Variants in APOBEC3B observed in about 807,000 individuals in gnomAD.
The protein encoded by APOBEC3B is apolipoprotein B mRNA editing enzyme catalytic subunit 3B.
APOBEC3B carries 29 observed loss-of-function variants against 53.4 expected under a neutral mutation model. That is an observed-to-expected ratio of 0.54 (90% CI 0.40 to 0.74). The LOEUF (loss-of-function observed/expected upper bound fraction) is 0.74, where lower values mean the gene tolerates loss of function less well. APOBEC3B is among the 30% of genes least tolerant of loss of function. The probability of loss-of-function intolerance (pLI) is 0.00; values close to 1 mark genes in which losing one functional copy is unlikely to be tolerated. For missense variants in APOBEC3B, 347 were observed against 496.2 expected (o/e 0.70, Z 2.86); for synonymous variants, 132 against 184.8 (o/e 0.71, Z 2.32).
chr22:38,982,604 C>T lies in APOBEC3B; in HGVS notation c.17+134C>T, dbSNP rs983521471. The T allele has an allele frequency of 3.7e-6, 4 of 1,095,598 alleles. 1 individual carries two copies. The highest frequency in any genetic ancestry group is 2.8e-5 in the South Asian group (2 of 72,244). 67.9% of individuals were successfully genotyped at this position (1,095,598 alleles called of 1,614,324 possible). On this transcript the variant is annotated intron_variant, in intron 1 of 7. Transcript: ENST00000333467. ...CCTCCCCTCTGGCTCCCCTGCCACA[C>T]GAATCCCAGTCAGGCTCTTTGTCCT...
Position 38,992,766 on chromosome 22 carries a change from T to C in APOBEC3B, c.*321T>C, listed in dbSNP as rs1430124762. On this transcript the variant is annotated 3_prime_UTR_variant, in exon 8 of 8. Transcript: ENST00000333467. The stretch of plus-strand genomic sequence containing the variant: ...AACATTAAGAATCTTCCATAATTGT[T>C]TCCACAAACACTAGCAAATGTGTAG... 7.5e-6 allele frequency: 5 copies of C among 662,706 alleles called. No individual in the cohort carries two copies. Among genetic ancestry groups the C allele is most frequent in the African/African-American group, 3.6e-5 (2 of 54,946 alleles). 41.1% of individuals were successfully genotyped at this position (662,706 alleles called of 1,614,324 possible).
At chr22:38,992,294 C>T in intron 7 of APOBEC3B, 137 bp from the exon 8 acceptor site, 1 of 1,535,656 alleles carries the variant, frequency 6.5e-7, no homozygotes, top group Non-Finnish European at 8.8e-7. Context: ...CCCTTTCCTT[C>T]TCACAGCCTC....
chr22:38,989,556 G>A lies in APOBEC3B; in HGVS notation c.669G>A (p.Leu223=), dbSNP rs780782838. Residue 223 remains leucine, a synonymous_variant, in exon 5 of 8, where the codon CTG becomes CTA. Transcript: ENST00000333467. ...ACTTGTGCTATGAGGTGGAGCGCCT[G>A]GACAATGGCACCTGGGTCCTGATGG... The part of the protein sequence containing the change: ...QTYLCYEVER[L]DNGTWVLMDQ... 83 of 1,589,210 alleles carry A rather than the reference G, an allele frequency of 5.2e-5. 1 individual carries two copies. Among genetic ancestry groups the A allele is most frequent in the Non-Finnish European group, 6.6e-5 (77 of 1,169,710 alleles).
intron 4 of APOBEC3B, among the ~76,000 whole-genome samples, chr22:38,988,151 C>T (rs555756952): frequency 6.7e-6 from 1 of 148,552 alleles, no homozygotes; most frequent in African/African-American, 2.4e-5. Context: ...GCACTCACCT[C>T]TCACCCTCAA....
At chr22:38,982,610 C>T in intron 1 of APOBEC3B, 140 bp downstream of exon 1, 3 of 1,061,750 alleles carry the variant, frequency 2.8e-6, no homozygotes, top group Non-Finnish European at 4.1e-6. Flanking sequence ...CACACGAATC[C>T]CAGTCAGGCT....
chr22:38,989,591 T>G lies in APOBEC3B; in HGVS notation c.704T>G (p.Met235Arg). 1.3e-6 allele frequency: 2 copies of G among 1,578,598 alleles called. 1 individual carries two copies. The highest frequency in any genetic ancestry group is 1.7e-6 in the Non-Finnish European group (2 of 1,162,746). ...ACCTGGGTCCTGATGGACCAGCACA[T>G]GGGCTTTCTATGCAACGAGGTGACC... Reference protein sequence around the residue: ...NGTWVLMDQHMGFLCNEAKNL... With the variant: ...NGTWVLMDQHRGFLCNEAKNL... The change falls in exon 5 of 8, where the codon ATG (methionine) becomes AGG (arginine). Residue 235 changes from methionine to arginine, a missense_variant. This residue lies in a region of APOBEC3B where 156 missense variants were observed against 166.7 expected (regional missense o/e 0.94). Transcript: ENST00000333467.
At chr22:38,984,655 A>G (rs1308857367) in intron 2 of APOBEC3B, among the ~76,000 whole-genome samples, 1 of 147,972 alleles carries the variant, frequency 6.8e-6, no homozygotes, top group African/African-American at 2.5e-5. Flanking sequence ...CTTGCCCTGG[A>G]GGGGTGTGGG....
chr22:38,985,480 A>T (rs1427978257), intron 2 of APOBEC3B, among the ~76,000 whole-genome samples: 1 of 148,296 alleles, frequency 6.7e-6, no homozygotes, highest in African/African-American at 2.5e-5. Context: ...TTAGTCTGAC[A>T]CACTGCCCTT....
intron 1 of APOBEC3B, among the ~76,000 whole-genome samples, chr22:38,983,214 AG>A (rs1923601972): frequency 6.8e-6 from 1 of 147,928 alleles, no homozygotes; most frequent in African/African-American, 2.5e-5. Flanking sequence ...GATACTCAGG[AG>A]GTTTAGGCAG....
Position 38,992,110 on chromosome 22 carries a change from C to T in APOBEC3B, c.1095C>T (p.His365=). 1.9e-6 allele frequency: 3 copies of T among 1,592,892 alleles called. No homozygotes were observed. Among genetic ancestry groups the T allele is most frequent in the Non-Finnish European group, 2.6e-6 (3 of 1,172,482 alleles). ...AGCCCTGGGATGGACTAGAGGAGCACAGCCAAGCCCTGAGTGGGAGGCTGC... is the reference window on the plus strand; with the variant it reads ...AGCCCTGGGATGGACTAGAGGAGCATAGCCAAGCCCTGAGTGGGAGGCTGC... ...PFQPWDGLEE[H]SQALSGRLRA... Residue 365 remains histidine (H), a synonymous_variant, in exon 7 of 8, where the codon CAC becomes CAT. Coordinates refer to ENST00000333467, the MANE Select transcript of APOBEC3B (RefSeq NM_004900.5).
Position 38,985,792 on chromosome 22 carries a change from G to A in APOBEC3B, c.175-20G>A. 1.3e-6 allele frequency: 2 copies of A among 1,575,774 alleles called. No individual in the cohort carries two copies. The highest frequency in any genetic ancestry group is 1.7e-6 in the Non-Finnish European group (2 of 1,163,000). On this transcript the variant is annotated intron_variant, in intron 2 of 7. Coordinates refer to ENST00000333467, the MANE Select transcript of APOBEC3B (RefSeq NM_004900.5). ...TGCTCCCCCTCTCAGAGCATCCCCT[G>A]CCCCCTGCTCCTCTCCCAGGTGTAT...
At chr22:38,988,747 T>TA (rs1569039203) in intron 4 of APOBEC3B, among the ~76,000 whole-genome samples, 1 of 120,146 alleles carries the variant, frequency 8.3e-6, no homozygotes, top group African/African-American at 3.4e-5. Context: ...CTTTCTTTCT[T>TA]CCTTTCTTCT....
At chr22:38,991,734 C>T in intron 6 of APOBEC3B, 108 bp downstream of exon 6, 1 of 1,331,008 alleles carries the variant, frequency 7.5e-7, no homozygotes, top group Non-Finnish European at 1.0e-6. Flanking sequence ...GATGGCTGGA[C>T]TCTGGGACCT....
At chr22:38,988,681 T>TTCTCTCTTTCTCTCTTTCTC (rs58110435) in intron 4 of APOBEC3B, among the ~76,000 whole-genome samples, 1 of 63,600 alleles carries the variant, frequency 1.6e-5, no homozygotes, top group African/African-American at 6.4e-5. Context: ...CTTTCTCTCT[T>TTCTCTCTTTCTCTCTTTCTC]TCTCTTTCTT....
intron 4 of APOBEC3B, 38 bp from the exon 5 acceptor site, chr22:38,989,419 G>T (rs746614576): frequency 1.3e-6 from 2 of 1,532,178 alleles, no homozygotes; most frequent in South Asian, 1.2e-5. Flanking sequence ...CCCAGGAGGA[G>T]TCTTAGGGCT....
At chr22:38,986,729 C>T (rs1923756367) in intron 4 of APOBEC3B, among the ~76,000 whole-genome samples, 1 of 148,958 alleles carries the variant, frequency 6.7e-6, no homozygotes, top group Non-Finnish European at 1.5e-5. Context: ...GGCAAGAGCT[C>T]AGCCTTCCAG....
rs1358213225 is a variant in APOBEC3B, at chr22:38,985,996, C to A, written c.359C>A (p.Ala120Asp). Residue 120 changes from alanine (A) to aspartate (D), a missense_variant, in exon 3 of 8, where the codon GCC becomes GAC. Physicochemically the swap from Ala to Asp is moderately radical, Grantham distance 126 (BLOSUM62 -2). This residue lies in a region of APOBEC3B where 156 missense variants were observed against 166.7 expected (regional missense o/e 0.94). Transcript: ENST00000333467. ...CCCAATGTCACCCTGACCATCTCTG[C>A]CGCCCGCCTCTACTACTACTGGGAA... The part of the protein sequence containing the change: ...EHPNVTLTIS[A>D]ARLYYYWERD... 1.3e-6 allele frequency: 2 copies of A among 1,592,780 alleles called. No homozygotes were observed. The highest frequency in any genetic ancestry group is 8.5e-7 in the Non-Finnish European group (1 of 1,172,432).
At chr22:38,985,786 T>TC in intron 2 of APOBEC3B, 26 bp from the exon 3 acceptor site, 2 of 1,561,932 alleles carry the variant, frequency 1.3e-6, no homozygotes, top group Non-Finnish European at 1.7e-6. Context: ...TCTCAGAGCA[T>TC]CCCCTGCCCC....
At position 38,985,926 on chromosome 22, in the gene APOBEC3B, T is replaced by C. The variant is rs375596163; in HGVS notation, c.289T>C (p.Cys97Arg). The change falls in exon 3 of 8, where the codon TGC becomes CGC. Residue 97 changes from cysteine (C) to arginine (R), a missense_variant. Transcript: ENST00000333467. ...CACCTGGTTTGTATCCTGGACCCCCTGCCCGGACTGTGTGGCGAAGCTGGC... is the reference window on the plus strand; with the variant it reads ...CACCTGGTTTGTATCCTGGACCCCCCGCCCGGACTGTGTGGCGAAGCTGGC... ...QITWFVSWTP[C>R]PDCVAKLAEF... 6.2e-7 allele frequency: 1 copy of C among 1,601,604 alleles called. No homozygotes were observed. Among genetic ancestry groups the C allele is most frequent in the South Asian group, 1.1e-5 (1 of 89,664 alleles).
Sources: gnomAD v4.1 joint callset for allele counts (sites outside exome capture counted in the v4.1 genomes callset) on GRCh38, gnomAD v4.1.1 for gene constraint, gnomAD v4.1.1 regional missense constraint, MANE v1.5 for transcripts, NCBI Gene and HGNC (gene_info 2026-07-23, HGNC 2026-07-21) for gene names.